Variants in AHCTF1 observed in about 807,000 individuals in gnomAD.
AHCTF1 encodes protein ELYS.
In AHCTF1, 24 loss-of-function variants were observed where a neutral mutation model predicts 248.4. That is an observed-to-expected ratio of 0.10 (90% CI 0.07 to 0.14). AHCTF1 has a LOEUF of 0.14. Ranked by LOEUF, AHCTF1 falls within the 10% of genes least tolerant of loss-of-function variation. The pLI is 1.00. For synonymous variants in AHCTF1, 786 were observed against 929.8 expected (o/e 0.85, Z 2.81); for missense variants, 2,206 against 2,636.2 (o/e 0.84, Z 3.57).
chr1:246,868,299 T>C (rs1461334545), intron 24 of AHCTF1, among the ~76,000 whole-genome samples: 1 of 152,098 alleles, frequency 6.6e-6, no homozygotes, highest in Non-Finnish European at 1.5e-5. Flanking sequence ...AATTTTTGTA[T>C]TCTAAAGTAA....
chr1:246,863,953 G>A lies in AHCTF1; in HGVS notation c.3511C>T (p.His1171Tyr), dbSNP rs779268815. 6.2e-7 allele frequency: 1 copy of A among 1,613,900 alleles called. No homozygotes were observed. The highest frequency in any genetic ancestry group is 1.1e-5 in the South Asian group (1 of 91,082). Reference protein sequence around the residue: ...PQAISRASELHLLETPLVVKK... With the variant: ...PQAISRASELYLLETPLVVKK... Reference sequence around the variant, plus strand: ...ACTACAAGAGGAGTTTCAAGCAAATGTAATTCTGAAGCCCTGGAGATGGCC... The same window carrying A: ...ACTACAAGAGGAGTTTCAAGCAAATATAATTCTGAAGCCCTGGAGATGGCC... Residue 1171 changes from histidine to tyrosine, a missense_variant, in exon 27 of 36, where the codon CAT becomes TAT. Around this residue, in one of 6 missense-constraint regions of AHCTF1, gnomAD observed 955 missense variants for 1,055.6 expected, o/e 0.90. Coordinates refer to ENST00000648844, the MANE Select transcript of AHCTF1 (RefSeq NM_001323342.2).
intron 8 of AHCTF1, 78 bp downstream of exon 8, chr1:246,902,447 A>C: frequency 6.6e-7 from 1 of 1,516,862 alleles, no homozygotes; most frequent in Non-Finnish European, 8.9e-7. Flanking sequence ...TGCCAGGAGT[A>C]TGAAATCTAG....
intron 24 of AHCTF1, 29 bp downstream of exon 24, chr1:246,876,008 A>G (rs565581835): frequency 6.5e-5 from 102 of 1,557,520 alleles, no homozygotes; most frequent in Non-Finnish European, 8.1e-5. Context: ...GATCCAATAG[A>G]TTATGATATT....
At chr1:246,905,507 A>G (rs1035214883) in intron 6 of AHCTF1, 34 bp downstream of exon 6, 13 of 1,567,858 alleles carry the variant, frequency 8.3e-6, no homozygotes, top group Non-Finnish European at 1.1e-5. Context: ...CAAAAAAACA[A>G]AACAAAACAA....
At position 246,864,878 on chromosome 1, in the gene AHCTF1, A is replaced by C. The variant is rs1265877910; in HGVS notation, c.3348-762T>G. Among the ~76,000 whole-genome samples, 3 of 20,744 alleles carry C rather than the reference A, an allele frequency of 1.4e-4. 1 individual carries two copies. The highest frequency in any genetic ancestry group is 2.0e-4 in the Non-Finnish European group (3 of 14,698). 13.6% of individuals were successfully genotyped at this position (20,744 alleles called of 152,430 possible). A position where few individuals can be genotyped will look rare whatever the true frequency, so the allele number is the denominator to read the frequency against. ...AAAAAAAAAAAAAAAAAAAAAAAAA[A>C]AAAAAAAAAAAGACTAGACTGACAA... On this transcript the variant is annotated intron_variant, in intron 26 of 35. Coordinates refer to ENST00000648844, the MANE Select transcript of AHCTF1 (RefSeq NM_001323342.2).
rs779782678 is a variant in AHCTF1 at position 246,876,056 on chromosome 1, T to C, written c.3069A>G (p.Thr1023=). ...TCTTACCTAATCGAAAAACTGATGA[T>C]GTTGACAGATGATAAGGCTTAGCTC... The part of the protein sequence containing the change: ...IERAKPYHLS[T]SSVFRLVSRP... The change falls in exon 24 of 36, where the codon ACA becomes ACG. Residue 1023 remains threonine, a synonymous_variant. Transcript: ENST00000648844. 1 of 1,596,756 alleles carries C rather than the reference T, an allele frequency of 6.3e-7. No homozygotes were observed. The highest frequency in any genetic ancestry group is 1.7e-5 in the Admixed American group (1 of 57,282).
At position 246,912,378 on chromosome 1, in the gene AHCTF1, G is replaced by A. The variant is rs148341363; in HGVS notation, c.556+854C>T. 3.3e-4 allele frequency among the ~76,000 whole-genome samples: 50 copies of A among 151,532 alleles called. 1 individual carries two copies. The highest frequency in any genetic ancestry group is 6.8e-3 in the Middle Eastern group (2 of 294). On this transcript the variant is annotated intron_variant, in intron 4 of 35. Transcript: ENST00000648844. ...TGTGCCTGTAATCTCAGCTACTCAG[G>A]AGGCTGAGGCAGGAGAATTGCTTGA...
intron 15 of AHCTF1, 140 bp downstream of exon 15, chr1:246,891,627 TAAAACAAAGAAA>T (rs751431703): frequency 2.0e-4 from 156 of 783,510 alleles, no homozygotes; most frequent in Non-Finnish European, 2.9e-4. Flanking sequence ...AGCTTTTCAT[TAAAACAAAGAAA>T]CAAACAAAAA....
At chr1:246,899,679 A>G (rs920749820) in intron 10 of AHCTF1, among the ~76,000 whole-genome samples, 167 bp from the exon 11 acceptor site, 7 of 152,218 alleles carry the variant, frequency 4.6e-5, no homozygotes, top group African/African-American at 9.6e-5. Flanking sequence ...TAGATAACAA[A>G]CCTATTACAC....
In AHCTF1 at chr1:246,900,104, G is replaced by A; in HGVS notation, c.1393C>T (p.Pro465Ser). The change falls in exon 10 of 36, where the codon CCT becomes TCT. Residue 465 changes from proline (P) to serine (S), a missense_variant. Physicochemically the swap from Pro to Ser is moderately conservative, Grantham distance 74 (BLOSUM62 -1). Transcript: ENST00000648844. ...LNRGVPPSYP[P>S]PEQFFNPSTY... Reference sequence around the variant, plus strand: ...CTTGGATTAAAAAACTGCTCGGGAGGTGGATATGAAGGAGGGACTCCTCTA... The same window carrying A: ...CTTGGATTAAAAAACTGCTCGGGAGATGGATATGAAGGAGGGACTCCTCTA... 1 of 1,606,474 alleles carries A rather than the reference G, an allele frequency of 6.2e-7. No individual in the cohort carries two copies. Among genetic ancestry groups the A allele is most frequent in the Non-Finnish European group, 8.5e-7 (1 of 1,178,698 alleles).
chr1:246,895,742 A>G (rs1457297686), intron 13 of AHCTF1, 93 bp downstream of exon 13: 2 of 1,072,196 alleles, frequency 1.9e-6, no homozygotes, highest in African/African-American at 3.2e-5. Flanking sequence ...CTTCAATTAT[A>G]TCAAAATTAA....
chr1:246,880,824 C>T (rs1663346785), intron 21 of AHCTF1, among the ~76,000 whole-genome samples: 1 of 152,150 alleles, frequency 6.6e-6, no homozygotes. Flanking sequence ...TCTCCAAATT[C>T]TCACTATTCT....
At chr1:246,906,369 G>A (rs1399390914) in intron 5 of AHCTF1, among the ~76,000 whole-genome samples, 2 of 151,926 alleles carry the variant, frequency 1.3e-5, no homozygotes, top group African/African-American at 2.4e-5. Flanking sequence ...CACAAGGTCA[G>A]GAGTTCGAGA....
chr1:246,902,093 T>C (rs921442825), intron 8 of AHCTF1, among the ~76,000 whole-genome samples: 3 of 152,120 alleles, frequency 2.0e-5, no homozygotes, highest in African/African-American at 7.2e-5. Flanking sequence ...TCACTAGTGA[T>C]AGGGCTGGAT....
chr1:246,868,466 A>G (rs146126599), intron 24 of AHCTF1, among the ~76,000 whole-genome samples: 102 of 142,924 alleles, frequency 7.1e-4, no homozygotes, highest in African/African-American at 2.7e-3. Context: ...TGTTGGCCAG[A>G]CTGGTCTCAA....
At chr1:246,876,875 CTTATAT>C in intron 23 of AHCTF1, 69 bp downstream of exon 23, 1 of 1,547,430 alleles carries the variant, frequency 6.5e-7, no homozygotes, top group Non-Finnish European at 8.8e-7. Flanking sequence ...ACTGTAAGCT[CTTATAT>C]AACAACCAAA....
chr1:246,899,875 C>A (rs1489973858), intron 10 of AHCTF1, among the ~76,000 whole-genome samples, 190 bp downstream of exon 10: 1 of 147,470 alleles, frequency 6.8e-6, no homozygotes, highest in African/African-American at 2.6e-5. Flanking sequence ...ATCTCCAAGT[C>A]ATAATTCCTT....
intron 8 of AHCTF1, among the ~76,000 whole-genome samples, chr1:246,900,792 A>C (rs1326567141): frequency 2.0e-5 from 3 of 152,240 alleles, no homozygotes; most frequent in African/African-American, 7.2e-5. Context: ...TCTCTCTCGC[A>C]AGGACGGTAC....
intron 24 of AHCTF1, among the ~76,000 whole-genome samples, chr1:246,875,427 A>C (rs1351297172): frequency 3.3e-5 from 5 of 152,246 alleles, no homozygotes; most frequent in Non-Finnish European, 1.5e-5. Context: ...TTTGTTACTC[A>C]CTAGGCATTT....
Sources: gnomAD v4.1 joint callset for allele counts (sites outside exome capture counted in the v4.1 genomes callset) on GRCh38, gnomAD v4.1.1 for gene constraint, gnomAD v4.1.1 regional missense constraint, MANE v1.5 for transcripts, NCBI Gene and HGNC (gene_info 2026-07-23, HGNC 2026-07-21) for gene names.